Variants in NDUFAF2 observed in about 807,000 individuals in gnomAD.
NDUFAF2 encodes the protein NADH dehydrogenase [ubiquinone] 1 alpha subcomplex assembly factor 2.
In NDUFAF2, 13 loss-of-function variants were observed where a neutral mutation model predicts 22.8. That is an observed-to-expected ratio of 0.57 (90% CI 0.37 to 0.91). The LOEUF (loss-of-function observed/expected upper bound fraction) is 0.91, where lower values mean the gene tolerates loss of function less well. NDUFAF2 is among the 40% of genes least tolerant of loss of function. The pLI is 0.01. For synonymous variants in NDUFAF2, 53 were observed against 64.2 expected, an observed-to-expected ratio of 0.83 and a Z score of 0.84; for missense variants, 162 against 195.2, an observed-to-expected ratio of 0.83 and a Z score of 1.01.
chr5:61,106,702 C>A (rs1365254895), intron 3 of NDUFAF2, among the ~76,000 whole-genome samples: 1 of 150,480 alleles, frequency 6.6e-6, no homozygotes, highest in Non-Finnish European at 1.5e-5. Flanking sequence ...ACCCAGACTA[C>A]CCTTCCCAGC....
At chr5:61,018,939 A>G (rs1751544974) in intron 1 of NDUFAF2, among the ~76,000 whole-genome samples, 1 of 152,124 alleles carries the variant, frequency 6.6e-6, no homozygotes, top group African/African-American at 2.4e-5. Flanking sequence ...TTCCAAATAA[A>G]ATATCAATAT....
intron 1 of NDUFAF2, among the ~76,000 whole-genome samples, chr5:61,023,172 T>G (rs1751607572): frequency 6.6e-6 from 1 of 152,152 alleles, no homozygotes; most frequent in African/African-American, 2.4e-5. Context: ...CTGTCCTCCA[T>G]ATCAGCTATT....
chr5:60,975,652 T>G (rs1207750582), intron 1 of NDUFAF2, among the ~76,000 whole-genome samples: 1 of 152,094 alleles, frequency 6.6e-6, no homozygotes, highest in Non-Finnish European at 1.5e-5. Flanking sequence ...CTGCATTAAT[T>G]GGTTTGGGAT....
At chr5:61,053,930 C>G (rs903666934) in intron 1 of NDUFAF2, among the ~76,000 whole-genome samples, 3 of 152,032 alleles carry the variant, frequency 2.0e-5, no homozygotes, top group Non-Finnish European at 4.4e-5. Context: ...CTTTAAAAAA[C>G]AATTAAAAAT....
chr5:61,031,513 C>CATGGTATACTGCATAGTATTA (rs1561546120), intron 1 of NDUFAF2, among the ~76,000 whole-genome samples: 4 of 113,780 alleles, frequency 3.5e-5, no homozygotes, highest in African/African-American at 1.1e-4. Flanking sequence ...GCATAGTATT[C>CATGGTATACTGCATAGTATTA]CATGGTATAC....
intron 1 of NDUFAF2, among the ~76,000 whole-genome samples, chr5:61,005,331 C>G (rs890923603): frequency 1.3e-5 from 2 of 152,190 alleles, no homozygotes; most frequent in African/African-American, 4.8e-5. Context: ...TTAATCCAGT[C>G]TATCATTGTT....
At chr5:61,006,849 AT>A (rs1751373314) in intron 1 of NDUFAF2, among the ~76,000 whole-genome samples, 1 of 152,094 alleles carries the variant, frequency 6.6e-6, no homozygotes, top group Admixed American at 6.6e-5. Context: ...ATTAATGATC[AT>A]TTTGGTCAAG....
intron 1 of NDUFAF2, among the ~76,000 whole-genome samples, chr5:61,028,681 C>T (rs1751687036): frequency 6.6e-6 from 1 of 152,060 alleles, no homozygotes; most frequent in Non-Finnish European, 1.5e-5. Context: ...TCCTTTTCAA[C>T]TCATGCTTTT....
At chr5:61,007,866 G>A (rs533046101) in intron 1 of NDUFAF2, among the ~76,000 whole-genome samples, 33 of 152,136 alleles carry the variant, frequency 2.2e-4, no homozygotes, top group South Asian at 1.0e-3. Flanking sequence ...TGTTTATTGC[G>A]GCACTATTCA....
chr5:61,141,574 TTGTTCC>T (rs1463634669), intron 3 of NDUFAF2, among the ~76,000 whole-genome samples: 1 of 152,218 alleles, frequency 6.6e-6, no homozygotes, highest in African/African-American at 2.4e-5. Flanking sequence ...ACCATCCTCT[TTGTTCC>T]TCAAAGATGC....
chr5:60,946,535 G>T (rs997044111), intron 1 of NDUFAF2, among the ~76,000 whole-genome samples: 1 of 152,160 alleles, frequency 6.6e-6, no homozygotes, highest in African/African-American at 2.4e-5. Flanking sequence ...AAAAAAGCCT[G>T]CAAAGAACAT....
At chr5:61,137,546 C>T (rs150708950) in intron 3 of NDUFAF2, among the ~76,000 whole-genome samples, 2 of 152,244 alleles carry the variant, frequency 1.3e-5, no homozygotes, top group African/African-American at 4.8e-5. Context: ...TATTGGTCTT[C>T]CCTGAAGTAT....
chr5:61,104,261 G>T (rs977858680), intron 3 of NDUFAF2, among the ~76,000 whole-genome samples: 1 of 152,034 alleles, frequency 6.6e-6, no homozygotes, highest in Admixed American at 6.6e-5. Context: ...TCCATTAGAA[G>T]CCACTTATAG....
chr5:61,019,902 T>A (rs1221106142), intron 1 of NDUFAF2, among the ~76,000 whole-genome samples: 1 of 152,124 alleles, frequency 6.6e-6, no homozygotes, highest in African/African-American at 2.4e-5. Flanking sequence ...GGTTAGATGT[T>A]CCTAAGTGTC....
chr5:61,083,625 C>A (rs765204580), intron 2 of NDUFAF2, among the ~76,000 whole-genome samples: 7 of 151,786 alleles, frequency 4.6e-5, no homozygotes, highest in Admixed American at 6.6e-5. Context: ...GATCTGCCCA[C>A]CTCGGCCTCC....
intron 1 of NDUFAF2, among the ~76,000 whole-genome samples, chr5:61,018,135 T>G (rs2112601918): frequency 6.6e-6 from 1 of 152,366 alleles, no homozygotes; most frequent in African/African-American, 2.4e-5. Context: ...TACATTTTAC[T>G]GTTATCTATG....
intron 3 of NDUFAF2, among the ~76,000 whole-genome samples, chr5:61,139,481 A>G (rs1741018406): frequency 6.6e-6 from 1 of 152,250 alleles, no homozygotes; most frequent in Admixed American, 6.5e-5. Context: ...TCCTTGAAGC[A>G]TTTCAGTGTT....
intron 3 of NDUFAF2, among the ~76,000 whole-genome samples, chr5:61,127,293 A>C (rs527503699): frequency 6.6e-6 from 1 of 152,310 alleles, no homozygotes; most frequent in East Asian, 1.9e-4. Flanking sequence ...TTATGAGGCC[A>C]GCATCATCCT....
At chr5:61,094,542 T>G (rs1381138662) in intron 2 of NDUFAF2, among the ~76,000 whole-genome samples, 2 of 152,234 alleles carry the variant, frequency 1.3e-5, no homozygotes, top group Non-Finnish European at 2.9e-5. Context: ...AGAGGTGATG[T>G]GGTCATTTGG....
Sources: gnomAD v4.1 joint callset for allele counts (sites outside exome capture counted in the v4.1 genomes callset) on GRCh38, gnomAD v4.1.1 for gene constraint, MANE v1.5 for transcripts, NCBI Gene and HGNC (gene_info 2026-07-23, HGNC 2026-07-21) for gene names.